OCIAD1: variants seen among roughly 807,000 people sequenced by gnomAD.
The protein encoded by OCIAD1 is OCIA domain containing 1.
Under a neutral mutation model 38.9 loss-of-function variants are expected in OCIAD1, and 29 were observed. That is an observed-to-expected ratio of 0.74 (90% CI 0.55 to 1.02). OCIAD1 has a LOEUF of 1.02. Among genes scored for constraint, OCIAD1 ranks in the 50% least tolerant of loss-of-function variants. The probability of loss-of-function intolerance (pLI) is 0.00; values close to 1 mark genes in which losing one functional copy is unlikely to be tolerated. For missense variants in OCIAD1, 288 were observed against 289.6 expected, an observed-to-expected ratio of 0.99 and a Z score of 0.04; for synonymous variants, 110 against 92.0, an observed-to-expected ratio of 1.20 and a Z score of -1.12.
intron 3 of OCIAD1, among the ~76,000 whole-genome samples, chr4:48,837,776 G>A (rs1328756701): frequency 1.3e-5 from 2 of 151,936 alleles, no homozygotes; most frequent in Non-Finnish European, 2.9e-5. Context: ...GATTATTGTA[G>A]TGTTGGGCTA....
At chr4:48,809,520 T>C (rs1363600463) in intron 1 of OCIAD1, among the ~76,000 whole-genome samples, 2 of 152,064 alleles carry the variant, frequency 1.3e-5, no homozygotes, top group Admixed American at 1.3e-4. Flanking sequence ...AGTGAGACTC[T>C]GTCTCAAAAT....
rs377375407 is a variant in OCIAD1 at position 48,833,484 on chromosome 4, G to A, written c.139+3G>A. Reference sequence around the variant, plus strand: ...TGATGAAAGCTTCTGGTTCAGATGTGAGTTCAATTTTCTAATTAATATAAT... The same window carrying A: ...TGATGAAAGCTTCTGGTTCAGATGTAAGTTCAATTTTCTAATTAATATAAT... On this transcript the variant is annotated splice_donor_region_variant and intron_variant, in intron 3 of 8. Coordinates refer to ENST00000264312, the MANE Select transcript of OCIAD1 (RefSeq NM_017830.4). 6.5e-7 allele frequency: 1 copy of A among 1,547,100 alleles called. No homozygotes were observed. The highest frequency in any genetic ancestry group is 1.4e-5 in the African/African-American group (1 of 72,858).
chr4:48,830,900 C>T (rs1236582787), upstream of OCIAD1: 4 of 155,292 alleles, frequency 2.6e-5, no homozygotes, highest in Non-Finnish European at 5.8e-5. Context: ...AGGGGCGGGG[C>T]AGGGTTCTTG....
chr4:48,860,703 A>G, intron 8 of OCIAD1, 22 bp from the exon 9 acceptor site: 1 of 1,541,258 alleles, frequency 6.5e-7, no homozygotes, highest in Non-Finnish European at 9.0e-7. Flanking sequence ...GGAATCATCA[A>G]TTATTTATGC....
chr4:48,842,175 T>C (rs758349736), intron 3 of OCIAD1, among the ~76,000 whole-genome samples: 1 of 152,222 alleles, frequency 6.6e-6, no homozygotes, highest in Non-Finnish European at 1.5e-5. Flanking sequence ...TATAGAAATA[T>C]GATAAAAAGT....
chr4:48,831,069 T>C (rs948012622), upstream of OCIAD1: 3 of 239,066 alleles, frequency 1.3e-5, no homozygotes, highest in African/African-American at 6.7e-5. Context: ...ATACAGTGCC[T>C]CCGGGTCGCG....
chr4:48,845,429 T>A (rs1424073248), intron 4 of OCIAD1, among the ~76,000 whole-genome samples: 2 of 152,232 alleles, frequency 1.3e-5, no homozygotes, highest in African/African-American at 4.8e-5. Flanking sequence ...CTTGAAATAG[T>A]CTATTCTCTT....
upstream of OCIAD1, chr4:48,830,655 G>A (rs1252292606): frequency 6.6e-6 from 1 of 152,214 alleles, no homozygotes; most frequent in African/African-American, 2.4e-5. Flanking sequence ...TGGATCAAGA[G>A]GGTGTGACAA....
intron 3 of OCIAD1, among the ~76,000 whole-genome samples, chr4:48,836,956 C>T (rs772188535): frequency 1.4e-4 from 21 of 152,094 alleles, no homozygotes; most frequent in Non-Finnish European, 2.9e-4. Flanking sequence ...TTTCATGGCT[C>T]ATTAGAATGG....
chr4:48,816,514 A>G (rs544069059), intron 1 of OCIAD1, among the ~76,000 whole-genome samples: 13 of 150,536 alleles, frequency 8.6e-5, no homozygotes, highest in African/African-American at 2.9e-4. Flanking sequence ...GCCTGGCAAC[A>G]GAGCAAGAGT....
At chr4:48,854,044 C>G (rs1302502641) in intron 7 of OCIAD1, among the ~76,000 whole-genome samples, 2 of 152,154 alleles carry the variant, frequency 1.3e-5, no homozygotes, top group Non-Finnish European at 2.9e-5. Flanking sequence ...GCTAAAGTCA[C>G]TATCTTATCT....
chr4:48,823,227 C>A (rs573961950), intron 1 of OCIAD1, among the ~76,000 whole-genome samples: 1 of 152,290 alleles, frequency 6.6e-6, no homozygotes, highest in Non-Finnish European at 1.5e-5. Flanking sequence ...AGAAAGAGTT[C>A]ATGTCCTTTG....
intron 3 of OCIAD1, among the ~76,000 whole-genome samples, chr4:48,840,349 G>C (rs977840145): frequency 6.6e-6 from 1 of 152,212 alleles, no homozygotes; most frequent in Non-Finnish European, 1.5e-5. Context: ...TACTGGTGCT[G>C]TAATTAAAAG....
chr4:48,853,909 A>G (rs1420722966), intron 7 of OCIAD1, among the ~76,000 whole-genome samples: 2 of 152,194 alleles, frequency 1.3e-5, no homozygotes, highest in African/African-American at 4.8e-5. Flanking sequence ...AATTTGGATG[A>G]AAGTTATTGA....
At chr4:48,838,846 C>T (rs1579065996) in intron 3 of OCIAD1, among the ~76,000 whole-genome samples, 1 of 152,134 alleles carries the variant, frequency 6.6e-6, no homozygotes, top group East Asian at 1.9e-4. Flanking sequence ...AACTATGTTT[C>T]TATACTGACC....
intron 7 of OCIAD1, 96 bp downstream of exon 7, chr4:48,852,071 G>A: frequency 1.2e-6 from 1 of 845,574 alleles, no homozygotes; most frequent in South Asian, 1.8e-5. Context: ...TCACCTGTGT[G>A]TTCTACCATC....
intron 8 of OCIAD1, among the ~76,000 whole-genome samples, chr4:48,859,002 G>C (rs142712499): frequency 6.6e-6 from 1 of 152,188 alleles, no homozygotes; most frequent in Non-Finnish European, 1.5e-5. Context: ...ATTGTTTCAA[G>C]ATTTTCTATT....
At chr4:48,818,356 G>A (rs575165771) in intron 1 of OCIAD1, among the ~76,000 whole-genome samples, 28 of 152,242 alleles carry the variant, frequency 1.8e-4, no homozygotes, top group South Asian at 1.2e-3. Flanking sequence ...AAAAACTAAC[G>A]AACAGAAAGC....
chr4:48,842,783 T>C (rs1778651717), intron 4 of OCIAD1, 94 bp downstream of exon 4: 5 of 669,594 alleles, frequency 7.5e-6, no homozygotes, highest in South Asian at 3.8e-5. Flanking sequence ...AAGATAACAA[T>C]GTATCATATT....
Sources: allele counts gnomAD v4.1 joint callset (sites outside exome capture counted in the v4.1 genomes callset), GRCh38; gene constraint gnomAD v4.1.1; transcripts MANE v1.5; gene names NCBI Gene and HGNC (gene_info 2026-07-23, HGNC 2026-07-21).